STYXL1: variants seen among roughly 807,000 people sequenced by gnomAD.
The protein encoded by STYXL1 is serine/threonine/tyrosine interacting like 1.
STYXL1 carries 32 observed loss-of-function variants against 36.4 expected under a neutral mutation model. The observed-to-expected ratio is 0.88, with a 90% CI of 0.66 to 1.18. The LOEUF (loss-of-function observed/expected upper bound fraction) is 1.18. Ranked by LOEUF, STYXL1 falls within the 50% of genes most tolerant of loss-of-function variation. The pLI is 0.00. For missense variants in STYXL1, 354 were observed against 394.1 expected (o/e 0.90, Z 0.86); for synonymous variants, 133 against 144.1 (o/e 0.92, Z 0.55).
At position 76,000,887 on chromosome 7, in the gene STYXL1, T is replaced by G. The variant is rs782716827; in HGVS notation, c.810+3A>C. On this transcript the variant is annotated splice_donor_region_variant and intron_variant, in intron 8 of 8. Transcript: ENST00000359697. ...GTGCGAGCCTGGCCCGGGGAACGCA[T>G]ACCTGCAAGGTCTGCTCGTTACTAT... 1 of 1,613,060 alleles carries G rather than the reference T, an allele frequency of 6.2e-7. No homozygotes were observed. Among genetic ancestry groups the G allele is most frequent in the South Asian group, 1.1e-5 (1 of 91,068 alleles).
chr7:76,000,644 G>T, intron 8 of STYXL1: 1 of 594,064 alleles, frequency 1.7e-6, no homozygotes, highest in African/African-American at 1.8e-5. Context: ...CAGCAGTGGG[G>T]GCTGCAGGAC....
chr7:75,999,335 GT>G (rs1790511384), intron 8 of STYXL1, among the ~76,000 whole-genome samples: 1 of 152,170 alleles, frequency 6.6e-6, no homozygotes, highest in South Asian at 2.1e-4. Context: ...AAGTAGAATG[GT>G]GGTTCCCACG....
At chr7:76,046,221 T>C (rs1308114066) in intron 1 of STYXL1, among the ~76,000 whole-genome samples, 3 of 151,682 alleles carry the variant, frequency 2.0e-5, no homozygotes, top group African/African-American at 7.3e-5. Context: ...TCCTCTGGAG[T>C]TGAATGTTCC....
At chr7:76,000,550 T>C (rs1238261197) in intron 8 of STYXL1, 2 of 475,272 alleles carry the variant, frequency 4.2e-6, no homozygotes, top group Non-Finnish European at 8.3e-6. Context: ...TAGACGGGAG[T>C]GGGTGGGCGC....
chr7:76,029,716 G>C (rs1795111254), intron 2 of STYXL1, among the ~76,000 whole-genome samples: 2 of 152,174 alleles, frequency 1.3e-5, no homozygotes, highest in African/African-American at 4.8e-5. Context: ...ACAGGAGATA[G>C]TGACAGATCA....
At chr7:76,005,198 A>T (rs1791515476) in intron 6 of STYXL1, 61 bp downstream of exon 6, 1 of 995,814 alleles carries the variant, frequency 1.0e-6, no homozygotes, top group South Asian at 3.6e-5. Flanking sequence ...TAAATAAAAT[A>T]AATTTAAATA....
At chr7:76,006,457 C>A (rs1554570402) in intron 5 of STYXL1, among the ~76,000 whole-genome samples, 1 of 152,004 alleles carries the variant, frequency 6.6e-6, no homozygotes, top group Non-Finnish European at 1.5e-5. Flanking sequence ...GTTCCAGGTC[C>A]AAAGTTATCA....
intron 7 of STYXL1, among the ~76,000 whole-genome samples, chr7:76,002,716 G>A (rs1200356872): frequency 6.6e-6 from 1 of 152,094 alleles, no homozygotes; most frequent in East Asian, 1.9e-4. Context: ...TTGAGCTCAG[G>A]AGTTCAAGAC....
At chr7:76,031,783 C>T (rs1554579436) in intron 1 of STYXL1, among the ~76,000 whole-genome samples, 1 of 151,860 alleles carries the variant, frequency 6.6e-6, no homozygotes, top group East Asian at 1.9e-4. Flanking sequence ...GTTATCTGAG[C>T]CATATACATA....
rs1052232371 is a variant in STYXL1, at chr7:76,021,564, T to A, written c.307+287A>T. Among the ~76,000 whole-genome samples, 3 of 152,014 alleles carry A rather than the reference T, an allele frequency of 2.0e-5. No individual in the cohort carries two copies. The East Asian group carries it at 5.8e-4, about 29-fold the overall frequency. On this transcript the variant is annotated intron_variant, in intron 4 of 8. Transcript: ENST00000359697. ...CAGTTTCCACGTCCTGATTATTTCA[T>A]CCCCCTTTCCTCAACCAATCAATGA...
chr7:76,033,928 G>T (rs1226969544), intron 1 of STYXL1, among the ~76,000 whole-genome samples: 2 of 152,134 alleles, frequency 1.3e-5, no homozygotes, highest in Non-Finnish European at 2.9e-5. Context: ...GCTTCTCTGT[G>T]CCTCAGTCCC....
intron 4 of STYXL1, among the ~76,000 whole-genome samples, chr7:76,017,583 G>T (rs189693863): frequency 2.6e-5 from 4 of 151,754 alleles, no homozygotes; most frequent in African/African-American, 9.7e-5. Context: ...GAGGGACAGG[G>T]GTTGAAAAAC....
intron 2 of STYXL1, 135 bp downstream of exon 2, chr7:76,030,286 A>G: frequency 4.6e-6 from 3 of 658,354 alleles, no homozygotes; most frequent in Non-Finnish European, 8.1e-6. Flanking sequence ...GGCGTGTGCC[A>G]CCACACCCAG....
At chr7:76,023,231 C>T (rs1376292050) in intron 3 of STYXL1, among the ~76,000 whole-genome samples, 2 of 152,136 alleles carry the variant, frequency 1.3e-5, no homozygotes, top group East Asian at 3.9e-4. Flanking sequence ...AGTCACGAAC[C>T]CCAGCAATGC....
chr7:76,038,347 C>T (rs1031110210), intron 1 of STYXL1, among the ~76,000 whole-genome samples: 2 of 149,408 alleles, frequency 1.3e-5, no homozygotes, highest in South Asian at 4.4e-4. Context: ...CCTCTGTCGT[C>T]CCAGAAAAAC....
At chr7:76,032,006 T>A (rs1795389407) in intron 1 of STYXL1, among the ~76,000 whole-genome samples, 1 of 152,084 alleles carries the variant, frequency 6.6e-6, no homozygotes, top group African/African-American at 2.4e-5. Flanking sequence ...TAGTGACTCA[T>A]GCCTGCAATC....
intron 4 of STYXL1, among the ~76,000 whole-genome samples, chr7:76,017,840 T>G (rs1554574491): frequency 1.1e-4 from 7 of 66,502 alleles, no homozygotes; most frequent in Non-Finnish European, 2.7e-5. Flanking sequence ...CACTCCAACC[T>G]GGGCAACAAG....
chr7:76,047,780 C>T lies in STYXL1; in HGVS notation c.-123G>A. ...CCCCGGCTGCGCGACTATGGCCAGG[C>T]TCCCTGTCGGAGCCTCTGCCTGGGG... On this transcript the variant is annotated 5_prime_UTR_variant, in exon 1 of 9. Transcript: ENST00000359697. 2.1e-6 allele frequency: 1 copy of T among 482,172 alleles called. No individual in the cohort carries two copies. Among genetic ancestry groups the T allele is most frequent in the Non-Finnish European group, 3.2e-6 (1 of 316,148 alleles). The allele number at this position is 482,172 out of a possible 1,614,324, so 29.9% of individuals were successfully genotyped here. A position where few individuals can be genotyped will look rare whatever the true frequency, so the allele number is the denominator to read the frequency against.
intron 8 of STYXL1, chr7:76,000,443 T>C (rs113158219): frequency 0.019 from 8,866 of 456,546 alleles, 105 homozygotes; most frequent in Non-Finnish European, 0.028. Flanking sequence ...TCGAGAAAGG[T>C]GCTGTGAGTT....
Sources: allele counts gnomAD v4.1 joint callset (sites outside exome capture counted in the v4.1 genomes callset), GRCh38; gene constraint gnomAD v4.1.1; transcripts MANE v1.5; gene names NCBI Gene and HGNC (gene_info 2026-07-23, HGNC 2026-07-21).